Variants in DACH2 observed in about 807,000 individuals in gnomAD.
DACH2 encodes the protein dachshund family transcription factor 2, also known as dachshund homolog 2.
In DACH2, 17 loss-of-function variants were observed where a neutral mutation model predicts 35.8. The observed-to-expected ratio is 0.48, with a 90% confidence interval of 0.33 to 0.71. The LOEUF is 0.71. DACH2 is among the 30% of genes least tolerant of loss of function. The pLI is 0.02. For missense variants in DACH2, 469 were observed against 472.7 expected, an observed-to-expected ratio of 0.99 and a Z score of 0.07; for synonymous variants, 195 against 177.3, an observed-to-expected ratio of 1.10 and a Z score of -0.79.
chrX:86,254,838 A>AGAGAGAGAGAGAGAG (rs1569318220), intron 1 of DACH2, among the ~76,000 whole-genome samples: 6 of 88,433 alleles, frequency 6.8e-5, no homozygotes, highest in African/African-American at 2.5e-4. Flanking sequence ...AGAGAGAGAG[A>AGAGAGAGAGAGAGAG]AGGTTTATAA....
chrX:86,399,613 A>T (rs1242613456), intron 2 of DACH2, among the ~76,000 whole-genome samples: 1 of 111,172 alleles, frequency 9.0e-6, no homozygotes, highest in Admixed American at 9.6e-5. Flanking sequence ...TTGTCTGTAA[A>T]GGATTTTATT....
intron 7 of DACH2, among the ~76,000 whole-genome samples, chrX:86,745,608 C>A (rs749103680): frequency 9.0e-6 from 1 of 111,459 alleles, no homozygotes; most frequent in Non-Finnish European, 1.9e-5. Flanking sequence ...TTTTTTATGG[C>A]TGCATAATAT....
At chrX:86,622,241 C>T (rs933030130) in intron 3 of DACH2, among the ~76,000 whole-genome samples, 7 of 111,996 alleles carry the variant, frequency 6.3e-5, no homozygotes, top group African/African-American at 2.3e-4. Context: ...GTGAATTTTG[C>T]TGAGATCAAA....
At chrX:86,656,855 GTGTATATATA>G (rs1244694318) in intron 4 of DACH2, among the ~76,000 whole-genome samples, 19 of 62,021 alleles carry the variant, frequency 3.1e-4, no homozygotes, top group African/African-American at 1.2e-3. Context: ...ATGTGTGTGT[GTGTATATATA>G]TATATATATA....
intron 7 of DACH2, among the ~76,000 whole-genome samples, chrX:86,778,414 G>A (rs1178596082): frequency 9.0e-6 from 1 of 110,963 alleles, no homozygotes; most frequent in Non-Finnish European, 1.9e-5. Flanking sequence ...GCCAAAAATG[G>A]AAGAATGGTT....
At chrX:86,233,108 T>A (rs1422197340) in intron 1 of DACH2, among the ~76,000 whole-genome samples, 6 of 111,669 alleles carry the variant, frequency 5.4e-5, no homozygotes. Context: ...CAAATACTGC[T>A]TGTTCTCACT....
intron 1 of DACH2, among the ~76,000 whole-genome samples, chrX:86,244,098 C>G (rs1326130520): frequency 8.9e-6 from 1 of 111,926 alleles, no homozygotes; most frequent in African/African-American, 3.2e-5. Flanking sequence ...ATTTTAATAA[C>G]TGACTATTTT....
At chrX:86,687,477 AG>A (rs901516290) in intron 4 of DACH2, among the ~76,000 whole-genome samples, 6 of 112,037 alleles carry the variant, frequency 5.4e-5, no homozygotes, top group African/African-American at 1.9e-4. Context: ...TGTGGAAGAC[AG>A]TGTGGCGATT....
Position 86,347,025 on chromosome X carries a change from A to G in DACH2, c.489-29799A>G, listed in dbSNP as rs755049375. 2.7e-5 allele frequency among the ~76,000 whole-genome samples: 3 copies of G among 112,084 alleles called. No individual in the cohort carries two copies. In the South Asian group the frequency reaches 1.1e-3, roughly 42 times the overall value. The stretch of plus-strand genomic sequence containing the variant: ...CAGTTATATTTGCAGTTGGCCATAC[A>G]TAATAAAGAATTATCATTATGAAAA... On this transcript the variant is annotated intron_variant, in intron 1 of 11. Transcript: ENST00000373125.
intron 2 of DACH2, among the ~76,000 whole-genome samples, chrX:86,501,362 A>C (rs2148256854): frequency 8.9e-6 from 1 of 111,746 alleles, no homozygotes; most frequent in African/African-American, 3.2e-5. Context: ...GGCTAATATT[A>C]ATTGGAAAAC....
At chrX:86,585,604 C>CT (rs2039560412) in intron 3 of DACH2, among the ~76,000 whole-genome samples, 1 of 110,759 alleles carries the variant, frequency 9.0e-6, no homozygotes, top group South Asian at 3.8e-4. Flanking sequence ...TTGTTCCCTA[C>CT]TATGTGTCCA....
At chrX:86,792,174 A>T (rs1393978608) in intron 7 of DACH2, among the ~76,000 whole-genome samples, 1 of 111,637 alleles carries the variant, frequency 9.0e-6, no homozygotes, top group Non-Finnish European at 1.9e-5. Flanking sequence ...TAACAGGTGG[A>T]GGTTTTATAT....
At chrX:86,677,278 A>G (rs1197996256) in intron 4 of DACH2, among the ~76,000 whole-genome samples, 2 of 112,186 alleles carry the variant, frequency 1.8e-5, no homozygotes, top group Non-Finnish European at 3.8e-5. Flanking sequence ...TGGTTTTGCC[A>G]ATCTCTAAAG....
Position 86,313,817 on chromosome X carries a change from T to A in DACH2, c.489-63007T>A, listed in dbSNP as rs73518106. ...TTGTGCTTCTCAGGCATTTCCTTTT[T>A]AACAAGTTGTGGCAACCCCACATTA... On this transcript the variant is annotated intron_variant, in intron 1 of 11. Coordinates refer to ENST00000373125, the MANE Select transcript of DACH2 (RefSeq NM_053281.3). Among the ~76,000 whole-genome samples the A allele has an allele frequency of 1.9e-3, 218 of 112,076 alleles. 1 individual carries two copies. Among genetic ancestry groups the A allele is most frequent in the African/African-American group, 7.0e-3 (217 of 30,899 alleles).
chrX:86,451,407 A>G (rs1461213198), intron 2 of DACH2, among the ~76,000 whole-genome samples: 1 of 110,724 alleles, frequency 9.0e-6, no homozygotes, highest in Non-Finnish European at 1.9e-5. Flanking sequence ...ATTCTGTTCC[A>G]TTGGTCTATG....
intron 1 of DACH2, among the ~76,000 whole-genome samples, chrX:86,294,692 A>G (rs891071601): frequency 2.7e-5 from 3 of 110,324 alleles, no homozygotes; most frequent in Non-Finnish European, 5.7e-5. Flanking sequence ...GTGAGGTGTC[A>G]GTTTGCCCCT....
chrX:86,293,328 C>T (rs956656817), intron 1 of DACH2, among the ~76,000 whole-genome samples: 1 of 110,023 alleles, frequency 9.1e-6, no homozygotes, highest in Non-Finnish European at 1.9e-5. Flanking sequence ...TCTCTCTGCA[C>T]GTGAGATGGG....
chrX:86,526,643 A>G (rs1349007237), intron 3 of DACH2, among the ~76,000 whole-genome samples: 1 of 110,654 alleles, frequency 9.0e-6, no homozygotes, highest in Non-Finnish European at 1.9e-5. Context: ...AATGTTATTA[A>G]TACCTGTCTT....
chrX:86,181,307 G>A (rs1441475191), intron 1 of DACH2, among the ~76,000 whole-genome samples: 1 of 110,292 alleles, frequency 9.1e-6, no homozygotes, highest in Non-Finnish European at 1.9e-5. Flanking sequence ...TCTACATTAG[G>A]TATTTCTCCT....
Sources: gnomAD v4.1 joint callset for allele counts (sites outside exome capture counted in the v4.1 genomes callset) on GRCh38, gnomAD v4.1.1 for gene constraint, MANE v1.5 for transcripts, NCBI Gene and HGNC (gene_info 2026-07-23, HGNC 2026-07-21) for gene names.